GLCCI1: variants seen among roughly 807,000 people sequenced by gnomAD.
The protein encoded by GLCCI1 is glucocorticoid induced 1.
Under a neutral mutation model 52.2 loss-of-function variants are expected in GLCCI1, and 24 were observed. The observed-to-expected ratio is 0.46, with a 90% confidence interval of 0.33 to 0.65. The LOEUF is 0.65. Among genes scored for constraint, GLCCI1 ranks in the 30% least tolerant of loss-of-function variants. The pLI, the probability that GLCCI1 is intolerant of heterozygous loss-of-function variation, is 0.02. For missense variants in GLCCI1, 704 were observed against 701.5 expected, an observed-to-expected ratio of 1.00 and a Z score of -0.04; for synonymous variants, 310 against 276.5, an observed-to-expected ratio of 1.12 and a Z score of -1.20.
chr7:8,072,403 C>T (rs1211641229), intron 6 of GLCCI1, among the ~76,000 whole-genome samples: 1 of 152,104 alleles, frequency 6.6e-6, no homozygotes, highest in Non-Finnish European at 1.5e-5. Flanking sequence ...TTGTGGACCC[C>T]CTTCCTTCAT....
intron 2 of GLCCI1, among the ~76,000 whole-genome samples, chr7:8,011,641 G>T (rs1180863395): frequency 6.6e-6 from 1 of 152,108 alleles, no homozygotes; most frequent in Non-Finnish European, 1.5e-5. Flanking sequence ...TCGGCTTTCA[G>T]TTCTTTTGTA....
At position 8,041,904 on chromosome 7, in the gene GLCCI1, T is replaced by A. The variant is rs77226765; in HGVS notation, c.697-13529T>A. Among the ~76,000 whole-genome samples the A allele has an allele frequency of 6.9e-3, 1,049 of 152,262 alleles. 6 individuals are homozygous for A. The highest frequency in any genetic ancestry group is 0.024 in the African/African-American group (980 of 41,556). Reference sequence around the variant, plus strand: ...ACCACACGCAGCTGCAGCTGATGATTTAAGCCAGTGCTCATTTGCCATTCT... The same window carrying A: ...ACCACACGCAGCTGCAGCTGATGATATAAGCCAGTGCTCATTTGCCATTCT... On this transcript the variant is annotated intron_variant, in intron 3 of 7. Transcript: ENST00000223145.
At chr7:7,971,811 CTT>C (rs1395429180) in intron 1 of GLCCI1, among the ~76,000 whole-genome samples, 9 of 152,186 alleles carry the variant, frequency 5.9e-5, no homozygotes, top group Non-Finnish European at 1.5e-5. Flanking sequence ...GATGAAAACA[CTT>C]TTCTGAGTCT....
intron 1 of GLCCI1, chr7:7,980,819 C>A: frequency 1.5e-6 from 1 of 689,434 alleles, no homozygotes. Flanking sequence ...TAAATGAGAC[C>A]TTTGTTGACA....
intron 3 of GLCCI1, among the ~76,000 whole-genome samples, chr7:8,051,446 C>T (rs2127957752): frequency 6.6e-6 from 1 of 152,300 alleles, no homozygotes; most frequent in Middle Eastern, 3.4e-3. Context: ...TTTCTGCATC[C>T]AGGTAACTGA....
chr7:7,980,966 T>G (rs1780601886), intron 1 of GLCCI1: 1 of 573,756 alleles, frequency 1.7e-6, no homozygotes, highest in Non-Finnish European at 3.2e-6. Flanking sequence ...AGTGGTAGAG[T>G]TGACACAAAT....
At chr7:8,060,654 T>G (rs937547395) in intron 5 of GLCCI1, among the ~76,000 whole-genome samples, 24 of 152,218 alleles carry the variant, frequency 1.6e-4, no homozygotes, top group Non-Finnish European at 3.1e-4. Context: ...GTTTAGCCTG[T>G]TATCAGTGAC....
chr7:8,085,056 C>A (rs762506590), intron 7 of GLCCI1, 39 bp downstream of exon 7: 11 of 1,610,148 alleles, frequency 6.8e-6, no homozygotes, highest in South Asian at 1.1e-5. Context: ...ATCTGCAAAG[C>A]TGTAAAGCTT....
intron 1 of GLCCI1, chr7:7,982,051 TAA>T: frequency 2.2e-6 from 1 of 463,782 alleles, no homozygotes; most frequent in Non-Finnish European, 4.3e-6. Flanking sequence ...AATGAAAGAG[TAA>T]AAAGAGAGAC....
intron 3 of GLCCI1, among the ~76,000 whole-genome samples, chr7:8,053,551 T>C (rs543247864): frequency 1.3e-5 from 2 of 151,070 alleles, no homozygotes; most frequent in South Asian, 2.1e-4. Flanking sequence ...GCCAGGCTGG[T>C]CTTCAACTGC....
At chr7:7,999,718 A>C (rs1781015599) in intron 1 of GLCCI1, among the ~76,000 whole-genome samples, 2 of 152,152 alleles carry the variant, frequency 1.3e-5, no homozygotes, top group African/African-American at 4.8e-5. Context: ...CAGCCTGGTC[A>C]ACATAGTGAG....
intron 2 of GLCCI1, among the ~76,000 whole-genome samples, chr7:8,020,000 T>A (rs1278986943): frequency 6.6e-6 from 1 of 152,194 alleles, no homozygotes; most frequent in Non-Finnish European, 1.5e-5. Flanking sequence ...TACTTTTCTT[T>A]CTTCAGTAAT....
At chr7:7,995,506 G>T (rs1780921323) in intron 1 of GLCCI1, among the ~76,000 whole-genome samples, 2 of 152,132 alleles carry the variant, frequency 1.3e-5, no homozygotes, top group African/African-American at 4.8e-5. Flanking sequence ...CAACCCAAAT[G>T]TCCATCAATG....
chr7:7,992,471 A>T (rs1001893512), intron 1 of GLCCI1, among the ~76,000 whole-genome samples: 1 of 152,050 alleles, frequency 6.6e-6, no homozygotes, highest in Non-Finnish European at 1.5e-5. Context: ...CTTGCTAGTT[A>T]TGTAGCAAGA....
chr7:7,969,152 C>A lies in GLCCI1; in HGVS notation c.-199C>A. The stretch of plus-strand genomic sequence containing the variant: ...GGCCGTTGGACGTTTGTTTTCGCAG[C>A]CTTCCCCTCCCCCCTCGCCGAGGCG... On this transcript the variant is annotated 5_prime_UTR_variant, in exon 1 of 8. Coordinates refer to ENST00000223145, the MANE Select transcript of GLCCI1 (RefSeq NM_138426.4). This position sits in a 1 kb window ranked among gnomAD's most constrained non-coding sequence, Gnocchi z 4.9. 2.4e-6 allele frequency: 1 copy of A among 420,170 alleles called. No individual in the cohort carries two copies. The highest frequency in any genetic ancestry group is 8.9e-5 in the South Asian group (1 of 11,286). 26.0% of individuals were successfully genotyped at this position (420,170 alleles called of 1,614,324 possible). A position where few individuals can be genotyped will look rare whatever the true frequency, so the allele number is the denominator to read the frequency against.
intron 1 of GLCCI1, chr7:7,970,398 C>T (rs1780322286): frequency 6.7e-6 from 1 of 149,478 alleles, no homozygotes; most frequent in South Asian, 2.1e-4. Flanking sequence ...AGCCCCCCGC[C>T]ACCCCGCCTC....
intron 1 of GLCCI1, among the ~76,000 whole-genome samples, chr7:7,977,100 C>A (rs908326088): frequency 6.6e-6 from 1 of 152,092 alleles, no homozygotes; most frequent in African/African-American, 2.4e-5. Context: ...TGTGAATAGT[C>A]CGTATAGCTA....
chr7:8,070,419 CA>C (rs971197411), intron 5 of GLCCI1: 2 of 152,424 alleles, frequency 1.3e-5, no homozygotes, highest in African/African-American at 4.8e-5. Context: ...GGATAATTTG[CA>C]AAGGAAATAG....
At chr7:7,998,941 TTTTA>T (rs1302895401) in intron 1 of GLCCI1, among the ~76,000 whole-genome samples, 2 of 152,050 alleles carry the variant, frequency 1.3e-5, no homozygotes, top group Admixed American at 6.5e-5. Flanking sequence ...ATTTCTGTAT[TTTTA>T]TTTTTTATTT....
Sources: allele counts gnomAD v4.1 joint callset (sites outside exome capture counted in the v4.1 genomes callset), GRCh38; gene constraint gnomAD v4.1.1; non-coding constraint Gnocchi (gnomAD v3.1); transcripts MANE v1.5; gene names NCBI Gene and HGNC (gene_info 2026-07-23, HGNC 2026-07-21).